The following FBXO21 variants were observed in gnomAD, a reference collection of about 807,000 sequenced individuals.
FBXO21 encodes the protein F-box protein 21.
A neutral mutation model predicts 76.6 loss-of-function variants in FBXO21; 32 were observed. The ratio of observed to expected loss-of-function variants is 0.42; its 90% CI spans 0.32 to 0.56. FBXO21 has a LOEUF of 0.56. FBXO21 is among the 20% of genes least tolerant of loss of function. The pLI is 0.16. For synonymous variants in FBXO21, 328 were observed against 311.5 expected (o/e 1.05, Z -0.56); for missense variants, 586 against 797.3 (o/e 0.73, Z 3.19).
intron 9 of FBXO21, 144 bp downstream of exon 9, chr12:117,165,341 T>A: frequency 1.2e-6 from 1 of 839,356 alleles, no homozygotes; most frequent in Admixed American, 2.4e-5. Flanking sequence ...TAAAAAAAAA[T>A]CTACCAATGG....
At chr12:117,176,297 G>A (rs1227827939) in intron 4 of FBXO21, among the ~76,000 whole-genome samples, 1 of 152,186 alleles carries the variant, frequency 6.6e-6, no homozygotes, top group Non-Finnish European at 1.5e-5. Context: ...TGAGGCTTGA[G>A]CTGAATTATG....
chr12:117,150,129 A>C (rs1368183349), intron 11 of FBXO21, among the ~76,000 whole-genome samples: 1 of 152,242 alleles, frequency 6.6e-6, no homozygotes, highest in East Asian at 1.9e-4. Flanking sequence ...AAGAAAAATA[A>C]ATGCCAATCC....
At chr12:117,187,420 CAAAAAAAAAAAAA>C (rs921514232) in intron 2 of FBXO21, among the ~76,000 whole-genome samples, 1 of 59,694 alleles carries the variant, frequency 1.7e-5, no homozygotes, top group East Asian at 5.2e-4. Flanking sequence ...AACTCTGTCT[CAAAAAAAAAAAAA>C]AAAAAAAAAA....
In FBXO21 at chr12:117,146,008, C is replaced by T. The variant is rs912637758; in HGVS notation, c.*79G>A. 8 of 1,271,176 alleles carry T rather than the reference C, an allele frequency of 6.3e-6. No homozygotes were observed. The highest frequency in any genetic ancestry group is 4.5e-5 in the African/African-American group (3 of 66,432). The allele number at this position is 1,271,176 out of a possible 1,614,324, so 78.7% of individuals were successfully genotyped here. A position where few individuals can be genotyped will look rare whatever the true frequency, so the allele number is the denominator to read the frequency against. On this transcript the variant is annotated 3_prime_UTR_variant, in exon 12 of 12. Coordinates refer to ENST00000622495, the MANE Select transcript of FBXO21 (RefSeq NM_015002.3). ...CTGGTGCAGCAGGTCCCGAGGGCTC[C>T]GTGGAGACGTCTTCTTCCGGAGTCC...
In FBXO21 at chr12:117,151,804, A is replaced by G. The variant is rs142618205; in HGVS notation, c.1675+3987T>C. Among the ~76,000 whole-genome samples the G allele has an allele frequency of 5.9e-5, 9 of 152,296 alleles. No individual in the cohort carries two copies. The East Asian group carries it at 1.7e-3, about 29-fold the overall frequency. On this transcript the variant is annotated intron_variant, in intron 11 of 11. Transcript: ENST00000622495. Reference sequence around the variant, plus strand: ...GCGGCTCTTGTTCATTGAAGTAGAGAGAATAACAGTGGTGGAAAAATCACC... The same window carrying G: ...GCGGCTCTTGTTCATTGAAGTAGAGGGAATAACAGTGGTGGAAAAATCACC...
chr12:117,149,115 C>T lies in FBXO21; in HGVS notation c.1676-2838G>A, dbSNP rs1229871469. Among the ~76,000 whole-genome samples, 5 of 152,274 alleles carry T rather than the reference C, an allele frequency of 3.3e-5. No homozygotes were observed. In the East Asian group the frequency reaches 7.7e-4, roughly 24 times the overall value. Reference sequence around the variant, plus strand: ...TTGAGGAGGCTTACGGGGACATGACCACAACCTGGTATCTTAACCAGGCCA... The same window carrying T: ...TTGAGGAGGCTTACGGGGACATGACTACAACCTGGTATCTTAACCAGGCCA... On this transcript the variant is annotated intron_variant, in intron 11 of 11. Coordinates refer to ENST00000622495, the MANE Select transcript of FBXO21 (RefSeq NM_015002.3).
rs765990718 is a variant in FBXO21 at position 117,190,470 on chromosome 12, C to T, written c.-14G>A. 5.8e-6 allele frequency: 7 copies of T among 1,198,342 alleles called. No homozygotes were observed. The East Asian group carries it at 9.0e-5, about 15-fold the overall frequency. 74.2% of individuals were successfully genotyped at this position (1,198,342 alleles called of 1,614,324 possible). The stretch of plus-strand genomic sequence containing the variant: ...TGCCGCCGCCATCTTGTCCGCGTAC[C>T]TGGGGCCGCCGCGCGCGCGCGTGCG... On this transcript the variant is annotated 5_prime_UTR_variant, in exon 1 of 12. Transcript: ENST00000622495.
chr12:117,179,400 C>A (rs1204324573), intron 3 of FBXO21, among the ~76,000 whole-genome samples: 2 of 152,180 alleles, frequency 1.3e-5, no homozygotes, highest in African/African-American at 4.8e-5. Flanking sequence ...CCTAAACAGG[C>A]GAGTCTGTTT....
rs138734431 is a variant in FBXO21, at chr12:117,158,025, C to T, written c.1365G>A (p.Pro455=). The T allele has an allele frequency of 3.5e-5, 56 of 1,614,080 alleles. No homozygotes were observed. In the African/African-American group the frequency reaches 4.3e-4, roughly 12 times the overall value. Residue 455 remains proline, a synonymous_variant, in exon 10 of 12, where the codon CCG becomes CCA. Coordinates refer to ENST00000622495, the MANE Select transcript of FBXO21 (RefSeq NM_015002.3). ...GGTAGCCCACCGCCCCGTGCTGCCC[C>T]GGGTCTAGGGTTTGGATGTGCTGGA... ...DILQHIQTLD[P]GQHGAVGYLV...
At chr12:117,161,993 A>T (rs77198179) in intron 9 of FBXO21, among the ~76,000 whole-genome samples, 2,290 of 152,300 alleles carry the variant, frequency 0.015, 62 homozygotes, top group African/African-American at 0.053. Flanking sequence ...CCTTGGCAAG[A>T]ACAGTGCCTA....
At chr12:117,166,609 C>A (rs1319874845) in intron 8 of FBXO21, among the ~76,000 whole-genome samples, 3 of 152,158 alleles carry the variant, frequency 2.0e-5, no homozygotes, top group Admixed American at 6.5e-5. Context: ...TTTTCTTGGA[C>A]TTAGAAACAA....
chr12:117,157,340 C>G (rs1262684136), intron 10 of FBXO21, among the ~76,000 whole-genome samples: 1 of 152,180 alleles, frequency 6.6e-6, no homozygotes, highest in Non-Finnish European at 1.5e-5. Context: ...CAGTGAAACA[C>G]TATTTGCCCT....
At position 117,157,940 on chromosome 12, in the gene FBXO21, T is replaced by A; in HGVS notation, c.1450A>T (p.Lys484Ter). 6.2e-7 allele frequency: 1 copy of A among 1,614,104 alleles called. No individual in the cohort carries two copies. The highest frequency in any genetic ancestry group is 1.7e-5 in the Admixed American group (1 of 59,996). ...CTGTGCTTCTCATCGGAGCGCAGCT[T>A]CACCTCTACGCCCACCTCCTCCTTT... The part of the protein sequence containing the change: ...RKKEEVGVEV[K>*]LRSDEKHRDV... Residue 484 changes from lysine to a stop codon, truncating the protein, a stop_gained, in exon 10 of 12, where the codon AAG (lysine) becomes TAG (stop). Coordinates refer to ENST00000622495, the MANE Select transcript of FBXO21 (RefSeq NM_015002.3). LOFTEE classifies it high-confidence loss of function.
intron 11 of FBXO21, among the ~76,000 whole-genome samples, chr12:117,148,303 G>C (rs1027584276): frequency 2.0e-5 from 3 of 152,228 alleles, no homozygotes; most frequent in African/African-American, 7.2e-5. Flanking sequence ...GTCATGTGCA[G>C]AGATAAATGT....
At position 117,148,462 on chromosome 12, in the gene FBXO21, A is replaced by G. The variant is rs948179044; in HGVS notation, c.1676-2185T>C. ...CATGAAAATGAGCAACCTGTTTGTA[A>G]GATCCTCCAAGAAAGGTGGGGGTAG... On this transcript the variant is annotated intron_variant, in intron 11 of 11. Coordinates refer to ENST00000622495, the MANE Select transcript of FBXO21 (RefSeq NM_015002.3). Among the ~76,000 whole-genome samples, 6 of 152,252 alleles carry G rather than the reference A, an allele frequency of 3.9e-5. 1 individual carries two copies. Among genetic ancestry groups the G allele is most frequent in the African/African-American group, 4.8e-5 (2 of 41,466 alleles).
intron 11 of FBXO21, among the ~76,000 whole-genome samples, chr12:117,147,292 AAAAAAAAAAAAAAAAG>A (rs1212630289): frequency 8.9e-6 from 1 of 112,248 alleles, no homozygotes; most frequent in Non-Finnish European, 1.9e-5. Flanking sequence ...AAAAAATGGA[AAAAAAAAAAAAAAAAG>A]AAAAAAAAAA....
At chr12:117,149,096 A>C (rs577689404) in intron 11 of FBXO21, among the ~76,000 whole-genome samples, 1 of 152,264 alleles carries the variant, frequency 6.6e-6, no homozygotes, top group East Asian at 1.9e-4. Flanking sequence ...TTCCTTGAGG[A>C]GGCTTACGGG....
chr12:117,155,989 GC>G, intron 10 of FBXO21, 41 bp from the exon 11 acceptor site: 1 of 1,599,062 alleles, frequency 6.3e-7, no homozygotes, highest in Admixed American at 1.7e-5. Context: ...TGCAGACCCG[GC>G]CGCAACAACC....
intron 8 of FBXO21, 105 bp from the exon 9 acceptor site, chr12:117,165,722 G>C: frequency 8.8e-7 from 1 of 1,137,056 alleles, no homozygotes. Context: ...AATCCCAAAC[G>C]TTTTCTGATT....
Sources: allele counts gnomAD v4.1 joint callset (sites outside exome capture counted in the v4.1 genomes callset), GRCh38; gene constraint gnomAD v4.1.1; transcripts MANE v1.5; gene names NCBI Gene and HGNC (gene_info 2026-07-23, HGNC 2026-07-21).